The following KIF13B variants were observed in gnomAD, a reference collection of about 807,000 sequenced individuals.
KIF13B encodes the protein kinesin family member 13B.
In KIF13B, 127 loss-of-function variants were observed where a neutral mutation model predicts 222.0. The ratio of observed to expected loss-of-function variants is 0.57; its 90% confidence interval spans 0.50 to 0.66. KIF13B has a LOEUF of 0.66. KIF13B is among the 30% of genes least tolerant of loss of function. KIF13B has a pLI of 0.00. For synonymous variants in KIF13B, 976 were observed against 919.0 expected (o/e 1.06, Z -1.12); for missense variants, 2,173 against 2,379.0 (o/e 0.91, Z 1.80).
At chr8:29,097,433 G>C (rs78757768) in intron 36 of KIF13B, among the ~76,000 whole-genome samples, 4 of 152,194 alleles carry the variant, frequency 2.6e-5, no homozygotes, top group Middle Eastern at 3.4e-3. Flanking sequence ...GATGGAATAG[G>C]CCTCCACCAA....
intron 11 of KIF13B, 33 bp downstream of exon 11, chr8:29,167,340 G>T (rs1232954010): frequency 2.6e-6 from 4 of 1,536,954 alleles, no homozygotes; most frequent in South Asian, 1.1e-5. Context: ...CCTCTTCCTG[G>T]ACTCACAGGG....
At chr8:29,134,503 C>T (rs1045181421) in intron 21 of KIF13B, among the ~76,000 whole-genome samples, 2 of 152,148 alleles carry the variant, frequency 1.3e-5, no homozygotes, top group African/African-American at 2.4e-5. Flanking sequence ...ATCATCATCT[C>T]GTTAATTCAG....
At chr8:29,140,671 A>G (rs1563734734) in intron 19 of KIF13B, 54 bp from the exon 20 acceptor site, 5 of 1,510,246 alleles carry the variant, frequency 3.3e-6, no homozygotes, top group Non-Finnish European at 4.5e-6. Context: ...CAATAAATGC[A>G]TTCAACCTAC....
chr8:29,174,067 T>G (rs912254186), intron 10 of KIF13B, among the ~76,000 whole-genome samples: 1 of 152,220 alleles, frequency 6.6e-6, no homozygotes, highest in Non-Finnish European at 1.5e-5. Flanking sequence ...ATTACTACAT[T>G]CAAACAAATG....
chr8:29,155,568 G>T (rs934295158), intron 14 of KIF13B, among the ~76,000 whole-genome samples, 158 bp downstream of exon 14: 1 of 152,070 alleles, frequency 6.6e-6, no homozygotes, highest in African/African-American at 2.4e-5. Flanking sequence ...GGAAGGAATG[G>T]GTGTGAGAGG....
intron 35 of KIF13B, among the ~76,000 whole-genome samples, chr8:29,101,390 C>T (rs1051400873): frequency 7.2e-5 from 11 of 152,238 alleles, no homozygotes; most frequent in Admixed American, 1.3e-4. Context: ...GATATGGCTG[C>T]GGTCTGTCCC....
At chr8:29,261,928 A>T (rs1484073395) in intron 1 of KIF13B, among the ~76,000 whole-genome samples, 7 of 152,216 alleles carry the variant, frequency 4.6e-5, no homozygotes, top group Admixed American at 1.3e-4. Flanking sequence ...AACAACCTAT[A>T]ATTTCTACAT....
chr8:29,087,926 T>G (rs1435986409), intron 37 of KIF13B, among the ~76,000 whole-genome samples: 1 of 151,094 alleles, frequency 6.6e-6, no homozygotes, highest in Non-Finnish European at 1.5e-5. Flanking sequence ...AAAAAAAAAC[T>G]TCTACATAAT....
intron 2 of KIF13B, among the ~76,000 whole-genome samples, chr8:29,202,953 A>G (rs940069601): frequency 6.6e-6 from 1 of 151,944 alleles, no homozygotes; most frequent in African/African-American, 2.4e-5. Flanking sequence ...CTCAGATCAC[A>G]CTTTATCTCC....
intron 2 of KIF13B, among the ~76,000 whole-genome samples, chr8:29,227,766 T>C (rs536093338): frequency 2.0e-5 from 3 of 151,804 alleles, no homozygotes; most frequent in African/African-American, 7.3e-5. Flanking sequence ...CTGGACAACA[T>C]AGAAGGACCC....
chr8:29,244,124 C>T (rs1327597553), intron 2 of KIF13B, among the ~76,000 whole-genome samples: 2 of 152,266 alleles, frequency 1.3e-5, no homozygotes, highest in Non-Finnish European at 2.9e-5. Flanking sequence ...CGCCATTCTC[C>T]TGCCTCAGCC....
intron 21 of KIF13B, among the ~76,000 whole-genome samples, chr8:29,139,692 C>T (rs1810720194): frequency 6.6e-6 from 1 of 152,128 alleles, no homozygotes; most frequent in African/African-American, 2.4e-5. Context: ...AGGTTTAGGC[C>T]TTCTTCGCTT....
chr8:29,088,068 C>A (rs943603176), intron 37 of KIF13B, among the ~76,000 whole-genome samples: 5 of 151,824 alleles, frequency 3.3e-5, no homozygotes, highest in South Asian at 2.1e-4. Flanking sequence ...GAGATCGAGA[C>A]CATCCTGGCC....
intron 36 of KIF13B, among the ~76,000 whole-genome samples, chr8:29,098,030 G>T (rs149782385): frequency 6.6e-6 from 1 of 151,640 alleles, no homozygotes; most frequent in Non-Finnish European, 1.5e-5. Context: ...AATTAGCTTG[G>T]CATGGTGGCA....
chr8:29,143,867 A>T lies in KIF13B; in HGVS notation c.2188-1564T>A, dbSNP rs188079805. On this transcript the variant is annotated intron_variant, in intron 18 of 39. Transcript: ENST00000524189. ...CAAAAAAAATAATAATAATAAAATT[A>T]AAAAAAAGTAATGTTCTATTATGCA... Among the ~76,000 whole-genome samples the T allele has an allele frequency of 6.2e-4, 94 of 151,972 alleles. 3 individuals carry two copies. Among genetic ancestry groups the T allele is most frequent in the African/African-American group, 1.4e-3 (56 of 41,464 alleles).
rs1807262655 is a variant in KIF13B at position 29,071,314 on chromosome 8, G to C, written c.5218+306C>G. The stretch of plus-strand genomic sequence containing the variant: ...ATGCTCTAAGGTGAAGGATGAGAAA[G>C]CAGAGCCCAGGGAGTGCAGAGGGCA... On this transcript the variant is annotated intron_variant, in intron 39 of 39. Coordinates refer to ENST00000524189, the MANE Select transcript of KIF13B (RefSeq NM_015254.4). The surrounding 1 kb of genome is among the most constrained non-coding windows in gnomAD (Gnocchi z 4.9). Among the ~76,000 whole-genome samples, 2 of 152,304 alleles carry C rather than the reference G, an allele frequency of 1.3e-5. No homozygotes were observed. Among genetic ancestry groups the C allele is most frequent in the Admixed American group, 6.5e-5 (1 of 15,312 alleles).
intron 8 of KIF13B, 71 bp from the exon 9 acceptor site, chr8:29,177,649 C>A: frequency 9.8e-7 from 1 of 1,024,630 alleles, no homozygotes; most frequent in Non-Finnish European, 1.5e-6. Flanking sequence ...TGCCAGTAAT[C>A]CCAGCACTTT....
At chr8:29,158,566 A>G (rs566683725) in intron 13 of KIF13B, among the ~76,000 whole-genome samples, 1 of 152,358 alleles carries the variant, frequency 6.6e-6, no homozygotes, top group Admixed American at 6.5e-5. Flanking sequence ...GGCTGAAGTC[A>G]TCCAGAGACG....
At chr8:29,077,601 G>T (rs1162718602) in intron 37 of KIF13B, among the ~76,000 whole-genome samples, 1 of 152,210 alleles carries the variant, frequency 6.6e-6, no homozygotes, top group Non-Finnish European at 1.5e-5. Flanking sequence ...CCCCAAGGAT[G>T]GGATGTTAAG....
Sources: gnomAD v4.1 joint callset for allele counts (sites outside exome capture counted in the v4.1 genomes callset) on GRCh38, gnomAD v4.1.1 for gene constraint, Gnocchi (gnomAD v3.1) non-coding constraint, MANE v1.5 for transcripts, NCBI Gene and HGNC (gene_info 2026-07-23, HGNC 2026-07-21) for gene names.